The following GPR137C variants were observed in gnomAD, a reference collection of about 807,000 sequenced individuals.
GPR137C encodes G protein-coupled receptor 137C.
GPR137C carries 27 observed loss-of-function variants against 43.4 expected under a neutral mutation model. The ratio of observed to expected loss-of-function variants is 0.62; its 90% CI spans 0.46 to 0.86. GPR137C has a LOEUF of 0.86. GPR137C is among the 40% of genes least tolerant of loss of function. The probability of loss-of-function intolerance (pLI) is 0.00; values close to 1 mark genes in which losing one functional copy is unlikely to be tolerated. For missense variants in GPR137C, 522 were observed against 534.6 expected, an observed-to-expected ratio of 0.98 and a Z score of 0.23; for synonymous variants, 285 against 226.9, an observed-to-expected ratio of 1.26 and a Z score of -2.30.
At chr14:52,556,181 G>A (rs952048972) in intron 1 of GPR137C, among the ~76,000 whole-genome samples, 2 of 152,010 alleles carry the variant, frequency 1.3e-5, no homozygotes, top group Non-Finnish European at 2.9e-5. Context: ...GCTGTATGCC[G>A]TATTAAATAC....
At chr14:52,615,855 A>G (rs1220766611) in intron 3 of GPR137C, among the ~76,000 whole-genome samples, 2 of 152,218 alleles carry the variant, frequency 1.3e-5, no homozygotes. Flanking sequence ...AAGCAACTGA[A>G]ACAGTGCTGT....
chr14:52,605,546 CTTGCCTAA>C (rs1392755575), intron 3 of GPR137C, among the ~76,000 whole-genome samples: 2 of 152,100 alleles, frequency 1.3e-5, no homozygotes, highest in African/African-American at 4.8e-5. Context: ...ATTTCTTTCT[CTTGCCTAA>C]TTGCTCTGGC....
chr14:52,571,798 C>CA (rs1383202893), intron 1 of GPR137C, among the ~76,000 whole-genome samples: 1 of 152,068 alleles, frequency 6.6e-6, no homozygotes, highest in Non-Finnish European at 1.5e-5. Flanking sequence ...TTCAAAAAAT[C>CA]AATGATTCCA....
At chr14:52,571,856 T>A (rs1231500124) in intron 1 of GPR137C, among the ~76,000 whole-genome samples, 1 of 151,870 alleles carries the variant, frequency 6.6e-6, no homozygotes, top group East Asian at 1.9e-4. Context: ...CTAGCCAGAC[T>A]AATAAAGAAG....
chr14:52,631,422 A>T (rs1456741330), intron 3 of GPR137C, among the ~76,000 whole-genome samples: 3 of 152,182 alleles, frequency 2.0e-5, no homozygotes, highest in Non-Finnish European at 2.9e-5. Flanking sequence ...GATGTCACAG[A>T]GTAATTTTTT....
intron 1 of GPR137C, among the ~76,000 whole-genome samples, chr14:52,562,620 A>G (rs80328152): frequency 0.056 from 8,465 of 152,260 alleles, 267 homozygotes; most frequent in Middle Eastern, 0.075. Flanking sequence ...AAAAACAACT[A>G]TTAAAGGTTC....
chr14:52,612,409 T>G, intron 3 of GPR137C: 3 of 980,200 alleles, frequency 3.1e-6, no homozygotes, highest in Non-Finnish European at 3.6e-6. Flanking sequence ...AAAAAGAATG[T>G]CAGCCTCCAT....
intron 3 of GPR137C, among the ~76,000 whole-genome samples, chr14:52,617,912 A>G (rs776298654): frequency 3.9e-4 from 60 of 152,336 alleles, no homozygotes; most frequent in Non-Finnish European, 7.1e-4. Flanking sequence ...TAAAAAATAC[A>G]TAAAATGCTT....
chr14:52,618,149 A>T (rs555167220), intron 3 of GPR137C, among the ~76,000 whole-genome samples: 1 of 152,334 alleles, frequency 6.6e-6, no homozygotes, highest in East Asian at 1.9e-4. Flanking sequence ...TGAATATTTT[A>T]ACTTTGCTTG....
At chr14:52,627,172 C>T (rs989310282) in intron 3 of GPR137C, among the ~76,000 whole-genome samples, 2 of 151,948 alleles carry the variant, frequency 1.3e-5, no homozygotes, top group African/African-American at 4.8e-5. Context: ...GTGGGAGGAT[C>T]ACTTTGGCTT....
chr14:52,613,675 C>T, intron 3 of GPR137C: 1 of 286,258 alleles, frequency 3.5e-6, no homozygotes, highest in Non-Finnish European at 7.0e-6. Context: ...TTGCAGATTA[C>T]AGGATCTCAT....
intron 6 of GPR137C, among the ~76,000 whole-genome samples, chr14:52,634,385 C>T (rs1356544542): frequency 2.6e-5 from 4 of 152,126 alleles, no homozygotes; most frequent in Admixed American, 1.3e-4. Flanking sequence ...ATTTCAAGTC[C>T]GTAACTAGTA....
At chr14:52,579,359 G>T (rs1171581911) in intron 1 of GPR137C, among the ~76,000 whole-genome samples, 1 of 152,144 alleles carries the variant, frequency 6.6e-6, no homozygotes, top group Non-Finnish European at 1.5e-5. Flanking sequence ...TTTGCCCAGG[G>T]TATGGACTAG....
intron 3 of GPR137C, among the ~76,000 whole-genome samples, chr14:52,604,871 T>TG (rs2038967191): frequency 6.6e-6 from 1 of 152,206 alleles, no homozygotes; most frequent in Admixed American, 6.5e-5. Flanking sequence ...TGGCTATAAG[T>TG]GTGTGGATTT....
chr14:52,595,329 G>C (rs756055391), intron 1 of GPR137C, among the ~76,000 whole-genome samples: 4 of 152,066 alleles, frequency 2.6e-5, no homozygotes, highest in Non-Finnish European at 5.9e-5. Context: ...TATCTTTGTG[G>C]TGTTCTCTGA....
chr14:52,564,716 T>C (rs914972299), intron 1 of GPR137C, among the ~76,000 whole-genome samples: 5 of 152,194 alleles, frequency 3.3e-5, no homozygotes, highest in Non-Finnish European at 7.3e-5. Context: ...GTAAGCACTA[T>C]AGGAATAAGG....
chr14:52,617,006 GA>G (rs2039107174), intron 3 of GPR137C, among the ~76,000 whole-genome samples: 1 of 152,180 alleles, frequency 6.6e-6, no homozygotes, highest in South Asian at 2.1e-4. Flanking sequence ...AGTGTCTCCA[GA>G]AAAGATATTT....
chr14:52,624,165 A>G (rs2139572048), intron 3 of GPR137C, among the ~76,000 whole-genome samples: 1 of 151,218 alleles, frequency 6.6e-6, no homozygotes, highest in Non-Finnish European at 1.5e-5. Context: ...TGGTATACGT[A>G]TTCTTGTGTT....
intron 2 of GPR137C, among the ~76,000 whole-genome samples, chr14:52,599,082 A>G (rs2038892023): frequency 6.6e-6 from 1 of 152,218 alleles, no homozygotes; most frequent in Non-Finnish European, 1.5e-5. Flanking sequence ...AAATTTCAGC[A>G]TCATATGTAT....
Sources: gnomAD v4.1 joint callset for allele counts (sites outside exome capture counted in the v4.1 genomes callset) on GRCh38, gnomAD v4.1.1 for gene constraint, MANE v1.5 for transcripts, NCBI Gene and HGNC (gene_info 2026-07-23, HGNC 2026-07-21) for gene names.